Variants in GRID1 observed in about 807,000 individuals in gnomAD.
GRID1 encodes glutamate receptor ionotropic, delta-1.
In GRID1, 28 loss-of-function variants were observed where a neutral mutation model predicts 98.0. That is an observed-to-expected ratio of 0.29 (90% CI 0.21 to 0.39). GRID1 has a LOEUF of 0.39. Ranked by LOEUF, GRID1 falls within the 10% of genes least tolerant of loss-of-function variation. The pLI, the probability that GRID1 is intolerant of heterozygous loss-of-function variation, is 1.00. For synonymous variants in GRID1, 553 were observed against 538.5 expected, an observed-to-expected ratio of 1.03 and a Z score of -0.37; for missense variants, 1,111 against 1,340.5, an observed-to-expected ratio of 0.83 and a Z score of 2.67.
chr10:85,742,679 G>A (rs1590213369), intron 8 of GRID1, among the ~76,000 whole-genome samples: 1 of 152,086 alleles, frequency 6.6e-6, no homozygotes, highest in East Asian at 1.9e-4. Flanking sequence ...GCAGCAGATT[G>A]TATTTTCTAA....
rs1449593775 is a variant in GRID1, at chr10:85,602,058, G to GT, written c.*214dup. ...ACAAAGTCATTCATACAGTTTTTGT[G>GT]TTTTTTTACTGACTTCGAAAATTGG... On this transcript the variant is annotated 3_prime_UTR_variant, in exon 16 of 16. Transcript: ENST00000327946. The GT allele has an allele frequency of 8.9e-6, 4 of 449,072 alleles. No homozygotes were observed. Among genetic ancestry groups the GT allele is most frequent in the South Asian group, 7.2e-5 (1 of 13,846 alleles). 27.8% of individuals were successfully genotyped at this position (449,072 alleles called of 1,614,324 possible). A position where few individuals can be genotyped will look rare whatever the true frequency, so the allele number is the denominator to read the frequency against.
chr10:85,865,043 G>C (rs1056593971), intron 6 of GRID1, among the ~76,000 whole-genome samples: 2 of 152,218 alleles, frequency 1.3e-5, no homozygotes, highest in African/African-American at 4.8e-5. Flanking sequence ...GTACGTTACA[G>C]ATTCTCCTCT....
At chr10:85,793,092 G>T (rs1184447751) in intron 8 of GRID1, among the ~76,000 whole-genome samples, 1 of 152,112 alleles carries the variant, frequency 6.6e-6, no homozygotes, top group Non-Finnish European at 1.5e-5. Context: ...CCTTTCTGGA[G>T]CTCAACACTC....
intron 4 of GRID1, among the ~76,000 whole-genome samples, chr10:86,087,068 T>C (rs1489633593): frequency 6.6e-6 from 1 of 152,194 alleles, no homozygotes. Flanking sequence ...AGTTTAGGGT[T>C]AAAAAATGAA....
chr10:86,006,395 C>T (rs564719006), intron 4 of GRID1, among the ~76,000 whole-genome samples: 6 of 152,202 alleles, frequency 3.9e-5, no homozygotes, highest in African/African-American at 9.6e-5. Flanking sequence ...CCGAGGTGAG[C>T]GGATCATGAG....
intron 5 of GRID1, among the ~76,000 whole-genome samples, chr10:85,874,865 GTATT>G (rs964271773): frequency 6.6e-6 from 1 of 151,832 alleles, no homozygotes; most frequent in Non-Finnish European, 1.5e-5. Context: ...TTTATTTTAT[GTATT>G]TATTTATTTA....
intron 8 of GRID1, among the ~76,000 whole-genome samples, chr10:85,793,216 C>G (rs1842496947): frequency 6.6e-6 from 1 of 152,194 alleles, no homozygotes; most frequent in Admixed American, 6.5e-5. Context: ...CCTGGCACTT[C>G]CATGTGCACT....
chr10:85,940,715 ATCTTG>A (rs1436667068), intron 4 of GRID1, among the ~76,000 whole-genome samples: 1 of 152,224 alleles, frequency 6.6e-6, no homozygotes, highest in Non-Finnish European at 1.5e-5. Flanking sequence ...CAATGTTTAA[ATCTTG>A]TCTTCTGTGG....
At chr10:86,159,025 C>T (rs1393429437) in intron 3 of GRID1, among the ~76,000 whole-genome samples, 8 of 152,194 alleles carry the variant, frequency 5.3e-5, no homozygotes. Context: ...TCCCGAGTAG[C>T]TGGGACCACA....
At chr10:85,818,312 A>C (rs1842733561) in intron 8 of GRID1, among the ~76,000 whole-genome samples, 1 of 151,884 alleles carries the variant, frequency 6.6e-6, no homozygotes, top group Non-Finnish European at 1.5e-5. Context: ...ATCTACAAAT[A>C]TACATCTACA....
At chr10:85,643,801 A>G (rs1387003543) in intron 13 of GRID1, among the ~76,000 whole-genome samples, 1 of 152,144 alleles carries the variant, frequency 6.6e-6, no homozygotes, top group Non-Finnish European at 1.5e-5. Flanking sequence ...AAATGAAGGT[A>G]CCATAAAACT....
At chr10:86,116,355 C>A (rs142692184) in intron 4 of GRID1, among the ~76,000 whole-genome samples, 2 of 152,160 alleles carry the variant, frequency 1.3e-5, no homozygotes. Context: ...AATGCCTCTA[C>A]CCCTAGAATC....
At chr10:86,033,515 A>G (rs1387358279) in intron 4 of GRID1, among the ~76,000 whole-genome samples, 3 of 152,082 alleles carry the variant, frequency 2.0e-5, no homozygotes, top group African/African-American at 7.2e-5. Flanking sequence ...ATACAATCAA[A>G]CTCTGCAGGG....
chr10:86,119,583 A>T (rs1402645179), intron 4 of GRID1, among the ~76,000 whole-genome samples: 1 of 152,024 alleles, frequency 6.6e-6, no homozygotes, highest in African/African-American at 2.4e-5. Flanking sequence ...CTTCTAAAAT[A>T]CTCCTCTAAA....
intron 8 of GRID1, among the ~76,000 whole-genome samples, chr10:85,755,355 G>A (rs1042354224): frequency 1.3e-5 from 2 of 152,216 alleles, no homozygotes; most frequent in African/African-American, 4.8e-5. Flanking sequence ...TGAGCCGGCT[G>A]AGATGACTTG....
At chr10:85,981,555 C>A (rs964063235) in intron 4 of GRID1, among the ~76,000 whole-genome samples, 2 of 152,176 alleles carry the variant, frequency 1.3e-5, no homozygotes, top group Admixed American at 6.5e-5. Context: ...CAAGCTCTGC[C>A]TTCTTGCCCC....
At chr10:86,088,425 T>C (rs1328975845) in intron 4 of GRID1, among the ~76,000 whole-genome samples, 3 of 152,276 alleles carry the variant, frequency 2.0e-5, no homozygotes, top group African/African-American at 7.2e-5. Flanking sequence ...AAATGTATTC[T>C]GTCATTAAAC....
At chr10:85,928,200 C>A (rs1841801835) in intron 4 of GRID1, among the ~76,000 whole-genome samples, 1 of 152,190 alleles carries the variant, frequency 6.6e-6, no homozygotes, top group East Asian at 1.9e-4. Flanking sequence ...GTGGCTCACA[C>A]CTGTGATCCA....
intron 2 of GRID1, among the ~76,000 whole-genome samples, chr10:86,245,904 TG>T (rs1222414473): frequency 6.6e-6 from 1 of 152,228 alleles, no homozygotes; most frequent in African/African-American, 2.4e-5. Context: ...GGAACCCTCA[TG>T]GTCCCCATTC....
Sources: allele counts gnomAD v4.1 joint callset (sites outside exome capture counted in the v4.1 genomes callset), GRCh38; gene constraint gnomAD v4.1.1; transcripts MANE v1.5; gene names NCBI Gene and HGNC (gene_info 2026-07-23, HGNC 2026-07-21).